PRKG1: variants seen among roughly 807,000 people sequenced by gnomAD.
PRKG1 encodes cGMP-dependent protein kinase 1.
Under a neutral mutation model 88.1 loss-of-function variants are expected in PRKG1, and 35 were observed. That is an observed-to-expected ratio of 0.40 (90% confidence interval 0.30 to 0.53). The LOEUF (loss-of-function observed/expected upper bound fraction) is 0.53, where lower values mean the gene tolerates loss of function less well. PRKG1 is among the 20% of genes least tolerant of loss of function. The pLI is 0.59. For synonymous variants in PRKG1, 303 were observed against 292.5 expected (o/e 1.04, Z -0.37); for missense variants, 540 against 839.8 (o/e 0.64, Z 4.41).
intron 5 of PRKG1, among the ~76,000 whole-genome samples, chr10:51,944,898 G>A (rs1842990283): frequency 6.6e-6 from 1 of 151,814 alleles, no homozygotes; most frequent in South Asian, 2.1e-4. Context: ...TTTGGAATAG[G>A]TGTGGTGTGG....
intron 7 of PRKG1, among the ~76,000 whole-genome samples, chr10:52,133,577 T>C (rs1481719852): frequency 6.6e-6 from 1 of 152,122 alleles, no homozygotes. Context: ...GGGAATGATA[T>C]CAAATTTGTT....
chr10:51,666,641 A>G (rs1252832546), intron 3 of PRKG1, among the ~76,000 whole-genome samples: 2 of 152,182 alleles, frequency 1.3e-5, no homozygotes, highest in Non-Finnish European at 2.9e-5. Context: ...CCAGAACAAT[A>G]CTTCATATCA....
At chr10:50,995,485 A>G (rs1842828402) in intron 1 of PRKG1, among the ~76,000 whole-genome samples, 1 of 152,230 alleles carries the variant, frequency 6.6e-6, no homozygotes, top group African/African-American at 2.4e-5. Context: ...TCAAGTGATT[A>G]TCTTTGAAAA....
At chr10:52,058,513 C>T (rs528824209) in intron 6 of PRKG1, among the ~76,000 whole-genome samples, 17 of 151,902 alleles carry the variant, frequency 1.1e-4, no homozygotes, top group Non-Finnish European at 1.8e-4. Flanking sequence ...CTACAGTTAA[C>T]GTACTTAAGG....
intron 5 of PRKG1, among the ~76,000 whole-genome samples, chr10:51,985,641 AT>A (rs1375215319): frequency 6.6e-6 from 1 of 152,126 alleles, no homozygotes; most frequent in South Asian, 2.1e-4. Flanking sequence ...TCTAATTAAT[AT>A]TTTTTATAGC....
chr10:51,548,591 C>T (rs566527374), intron 3 of PRKG1, among the ~76,000 whole-genome samples: 7 of 152,162 alleles, frequency 4.6e-5, no homozygotes, highest in South Asian at 4.1e-4. Context: ...TCAGTGTTTT[C>T]GTAACACTCT....
rs560130953 is a variant in PRKG1 at position 52,151,267 on chromosome 10, G to A, written c.1002-10622G>A. Among the ~76,000 whole-genome samples, 5 of 151,946 alleles carry A rather than the reference G, an allele frequency of 3.3e-5. No individual in the cohort carries two copies. In the East Asian group the frequency reaches 7.7e-4, roughly 24 times the overall value. ...TCACCCTCGGGTGGGCCCTAGTGTC[G>A]GTTTTTTCCTTCTGAAAATTTTTTA... On this transcript the variant is annotated intron_variant, in intron 8 of 17. Coordinates refer to ENST00000373980, the MANE Select transcript of PRKG1 (RefSeq NM_006258.4).
chr10:51,126,627 C>A (rs956159529), intron 1 of PRKG1, among the ~76,000 whole-genome samples: 2 of 151,720 alleles, frequency 1.3e-5, no homozygotes, highest in South Asian at 2.1e-4. Context: ...CTTTAAATTT[C>A]ATTTGGAACC....
At chr10:51,197,086 T>G (rs1837787794) in intron 2 of PRKG1, among the ~76,000 whole-genome samples, 1 of 152,128 alleles carries the variant, frequency 6.6e-6, no homozygotes, top group South Asian at 2.1e-4. Flanking sequence ...TGGCTTTAAT[T>G]GGTACAGTAC....
At chr10:51,698,495 C>T in intron 3 of PRKG1, 1 of 1,614,160 alleles carries the variant, frequency 6.2e-7, no homozygotes, top group Non-Finnish European at 8.5e-7. Flanking sequence ...CAGATAACCT[C>T]TGGGCTCCAC....
At chr10:51,848,437 A>G (rs955268728) in intron 4 of PRKG1, among the ~76,000 whole-genome samples, 1 of 152,324 alleles carries the variant, frequency 6.6e-6, no homozygotes, top group Admixed American at 6.5e-5. Context: ...AAAGAGAAGT[A>G]AATAAATGAA....
chr10:51,621,014 T>TATATATAC (rs1487991392), intron 3 of PRKG1, among the ~76,000 whole-genome samples: 1 of 145,004 alleles, frequency 6.9e-6, no homozygotes, highest in Non-Finnish European at 1.5e-5. Flanking sequence ...TGTGTGTATA[T>TATATATAC]ATATATATAT....
At chr10:51,198,801 C>A in intron 2 of PRKG1, among the ~76,000 whole-genome samples, 1 of 152,310 alleles carries the variant, frequency 6.6e-6, no homozygotes, top group East Asian at 1.9e-4. Context: ...TTAACAGTTA[C>A]AGTTTCATTT....
chr10:52,018,350 T>C (rs997541356), intron 5 of PRKG1, among the ~76,000 whole-genome samples: 1 of 152,232 alleles, frequency 6.6e-6, no homozygotes, highest in Non-Finnish European at 1.5e-5. Flanking sequence ...ACACCATGAC[T>C]ATTTATTTGT....
intron 2 of PRKG1, among the ~76,000 whole-genome samples, chr10:51,341,855 G>A (rs966852702): frequency 2.0e-4 from 30 of 152,140 alleles, no homozygotes; most frequent in African/African-American, 5.8e-4. Context: ...AGCAAGTCAC[G>A]TCTTACATGG....
intron 1 of PRKG1, among the ~76,000 whole-genome samples, chr10:51,122,402 C>T (rs1024132088): frequency 6.6e-6 from 1 of 152,126 alleles, no homozygotes; most frequent in Non-Finnish European, 1.5e-5. Flanking sequence ...ATTTCTAGTC[C>T]TAACTTTTCC....
At chr10:51,234,271 C>T (rs1838922475) in intron 2 of PRKG1, among the ~76,000 whole-genome samples, 1 of 152,096 alleles carries the variant, frequency 6.6e-6, no homozygotes. Context: ...TTTTCTTCTG[C>T]TTATGGTTGG....
intron 7 of PRKG1, among the ~76,000 whole-genome samples, chr10:52,114,475 T>A (rs1255378920): frequency 6.6e-6 from 1 of 151,784 alleles, no homozygotes; most frequent in East Asian, 1.9e-4. Context: ...TTTCAAACAA[T>A]CCTTTAAAAA....
chr10:52,121,043 C>T (rs1476730311), intron 7 of PRKG1, among the ~76,000 whole-genome samples: 4 of 152,146 alleles, frequency 2.6e-5, no homozygotes, highest in Admixed American at 1.3e-4. Flanking sequence ...CTGCTTTTGC[C>T]CTCCAAAGTG....
Sources: allele counts gnomAD v4.1 joint callset (sites outside exome capture counted in the v4.1 genomes callset), GRCh38; gene constraint gnomAD v4.1.1; transcripts MANE v1.5; gene names NCBI Gene and HGNC (gene_info 2026-07-23, HGNC 2026-07-21).